EXOC6B: variants seen among roughly 807,000 people sequenced by gnomAD.
The protein encoded by EXOC6B is exocyst complex component 6B, also known as SEC15 homolog B.
A neutral mutation model predicts 113.5 loss-of-function variants in EXOC6B; 54 were observed. The observed-to-expected ratio is 0.48, with a 90% CI of 0.38 to 0.60. The LOEUF is 0.60. EXOC6B is among the 20% of genes least tolerant of loss of function. The pLI is 0.00. For synonymous variants in EXOC6B, 357 were observed against 339.0 expected (o/e 1.05, Z -0.58); for missense variants, 797 against 977.5 (o/e 0.82, Z 2.46).
intron 21 of EXOC6B, among the ~76,000 whole-genome samples, chr2:72,180,722 G>A (rs1392554761): frequency 6.6e-6 from 1 of 152,168 alleles, no homozygotes; most frequent in African/African-American, 2.4e-5. Flanking sequence ...ACTGTGGGTG[G>A]CCCTTTGCAG....
chr2:72,576,716 A>T (rs1280736691), intron 6 of EXOC6B, among the ~76,000 whole-genome samples: 1 of 152,106 alleles, frequency 6.6e-6, no homozygotes, highest in African/African-American at 2.4e-5. Context: ...AACAGAATAA[A>T]AGCTGGGAGA....
intron 1 of EXOC6B, among the ~76,000 whole-genome samples, chr2:72,783,899 T>C (rs1684220628): frequency 6.6e-6 from 1 of 152,206 alleles, no homozygotes; most frequent in South Asian, 2.1e-4. Flanking sequence ...TTTGAGATCT[T>C]AGCCATAAAA....
chr2:72,631,426 G>GTGTGTGTGTATATA (rs1290760055), intron 6 of EXOC6B, among the ~76,000 whole-genome samples: 11 of 28,182 alleles, frequency 3.9e-4, no homozygotes, highest in South Asian at 2.0e-3. Flanking sequence ...GTGTGTGTGT[G>GTGTGTGTGTATATA]TATATATATA....
chr2:72,219,220 C>T (rs1168222195), intron 20 of EXOC6B, among the ~76,000 whole-genome samples: 1 of 151,766 alleles, frequency 6.6e-6, no homozygotes, highest in South Asian at 2.1e-4. Context: ...CACTGATAAC[C>T]GTTACTGGTC....
intron 1 of EXOC6B, among the ~76,000 whole-genome samples, chr2:72,798,897 A>T (rs1326947879): frequency 6.6e-6 from 1 of 152,156 alleles, no homozygotes; most frequent in African/African-American, 2.4e-5. Context: ...AACAATAATG[A>T]ATTTATTTCC....
intron 6 of EXOC6B, among the ~76,000 whole-genome samples, chr2:72,700,300 G>T (rs1678223884): frequency 6.8e-6 from 1 of 146,524 alleles, no homozygotes; most frequent in South Asian, 2.1e-4. Flanking sequence ...CACCAGACTA[G>T]AAGACTTTGA....
chr2:72,701,318 G>C (rs905001807), intron 6 of EXOC6B, among the ~76,000 whole-genome samples: 1 of 147,862 alleles, frequency 6.8e-6, no homozygotes, highest in Admixed American at 6.8e-5. Context: ...CTCCAGCCTG[G>C]TGACAAAGCA....
Position 72,570,901 on chromosome 2 carries a change from C to T in EXOC6B, c.846+4591G>A, listed in dbSNP as rs149951206. ...TTCAAAAAAGCACATGGTCATAATG[C>T]CACAACAGTAACTATTATATACTGA... On this transcript the variant is annotated intron_variant, in intron 7 of 21. Coordinates refer to ENST00000272427, the MANE Select transcript of EXOC6B (RefSeq NM_015189.3). 6.2e-3 allele frequency among the ~76,000 whole-genome samples: 949 copies of T among 152,126 alleles called. 10 individuals carry two copies. The highest frequency in any genetic ancestry group is 0.022 in the African/African-American group (914 of 41,474).
chr2:72,633,246 A>G (rs564227824), intron 6 of EXOC6B, among the ~76,000 whole-genome samples: 4 of 152,294 alleles, frequency 2.6e-5, no homozygotes, highest in African/African-American at 9.6e-5. Context: ...GAGACCTCCA[A>G]CCTCCTACCC....
At chr2:72,518,642 A>G (rs1701338129) in intron 8 of EXOC6B, among the ~76,000 whole-genome samples, 1 of 152,080 alleles carries the variant, frequency 6.6e-6, no homozygotes, top group African/African-American at 2.4e-5. Context: ...CCTGGAGGAG[A>G]CAAAGAGGCT....
At position 72,273,385 on chromosome 2, in the gene EXOC6B, C is replaced by T. The variant is rs541006569; in HGVS notation, c.2196+61562G>A. The stretch of plus-strand genomic sequence containing the variant: ...AGGAACTGAGATAAGGATATAAAAA[C>T]GAGTAAGACAACAATCTCTATCTTA... On this transcript the variant is annotated intron_variant, in intron 20 of 21. Coordinates refer to ENST00000272427, the MANE Select transcript of EXOC6B (RefSeq NM_015189.3). 1.2e-4 allele frequency among the ~76,000 whole-genome samples: 19 copies of T among 152,118 alleles called. No homozygotes were observed. In the South Asian group the frequency reaches 2.3e-3, roughly 18 times the overall value.
chr2:72,502,833 T>G (rs764034838), intron 11 of EXOC6B, among the ~76,000 whole-genome samples: 4 of 152,138 alleles, frequency 2.6e-5, no homozygotes, highest in Non-Finnish European at 5.9e-5. Flanking sequence ...CAACCAAAAG[T>G]CTACACCAAC....
rs192953003 is a variant in EXOC6B at position 72,538,971 on chromosome 2, A to T, written c.915+20482T>A. ...GGCATTGGCAGAAATAACGACTCTC[A>T]GATCACAGCCAGAGGAGCCAGTGAA... On this transcript the variant is annotated intron_variant, in intron 8 of 21. Transcript: ENST00000272427. Among the ~76,000 whole-genome samples the T allele has an allele frequency of 6.0e-4, 92 of 152,322 alleles. 2 individuals are homozygous for T. In the East Asian group the frequency reaches 0.015, roughly 25 times the overall value.
intron 19 of EXOC6B, among the ~76,000 whole-genome samples, chr2:72,365,144 G>A (rs547412146): frequency 1.7e-4 from 26 of 152,164 alleles, no homozygotes; most frequent in Non-Finnish European, 2.8e-4. Flanking sequence ...GCATGGGAGT[G>A]TGCTTATTTA....
intron 2 of EXOC6B, among the ~76,000 whole-genome samples, chr2:72,735,308 G>A (rs1437084678): frequency 6.6e-6 from 1 of 151,896 alleles, no homozygotes; most frequent in Non-Finnish European, 1.5e-5. Context: ...TTGCAACTCA[G>A]TACACAAGTA....
chr2:72,554,709 A>G (rs549910408), intron 8 of EXOC6B, among the ~76,000 whole-genome samples: 1 of 152,202 alleles, frequency 6.6e-6, no homozygotes, highest in East Asian at 1.9e-4. Context: ...TTCTTGAGTG[A>G]GTTCACATTG....
Position 72,513,161 on chromosome 2 carries a change from T to C in EXOC6B, c.1138A>G (p.Lys380Glu). 6.2e-7 allele frequency: 1 copy of C among 1,613,384 alleles called. No homozygotes were observed. The highest frequency in any genetic ancestry group is 1.1e-5 in the South Asian group (1 of 91,066). The change falls in exon 11 of 22, where the codon AAA becomes GAA. Residue 380 changes from lysine (K) to glutamate (E), a missense_variant. By Grantham distance (56) the Lys-to-Glu change is moderately conservative. Transcript: ENST00000272427. ...IDELWEMALS[K>E]TIAALRTHSS... ...TGGGTACGGAGTGCTGCGATGGTTT[T>C]TGAAAGTGCCATTTCCCACAGTTCA...
intron 6 of EXOC6B, among the ~76,000 whole-genome samples, chr2:72,678,836 C>G (rs906535853): frequency 6.6e-6 from 1 of 152,166 alleles, no homozygotes; most frequent in South Asian, 2.1e-4. Flanking sequence ...AATATGAATT[C>G]TCAATACGTG....
intron 20 of EXOC6B, among the ~76,000 whole-genome samples, chr2:72,246,509 T>C (rs1229991225): frequency 7.0e-6 from 1 of 142,560 alleles, no homozygotes; most frequent in African/African-American, 2.7e-5. Flanking sequence ...ACTAATTGAT[T>C]TTTTTTTTTT....
Sources: allele counts gnomAD v4.1 joint callset (sites outside exome capture counted in the v4.1 genomes callset), GRCh38; gene constraint gnomAD v4.1.1; transcripts MANE v1.5; gene names NCBI Gene and HGNC (gene_info 2026-07-23, HGNC 2026-07-21).